The following WDFY4 variants were observed in gnomAD, a reference collection of about 807,000 sequenced individuals.
WDFY4 encodes the protein WDFY family member 4, also known as WD repeat- and FYVE domain-containing protein 4.
WDFY4 carries 169 observed loss-of-function variants against 351.9 expected under a neutral mutation model. That is an observed-to-expected ratio of 0.48 (90% CI 0.42 to 0.55). WDFY4 has a LOEUF of 0.55. Ranked by LOEUF, WDFY4 falls within the 20% of genes least tolerant of loss-of-function variation. The pLI, the probability that WDFY4 is intolerant of heterozygous loss-of-function variation, is 0.00. For synonymous variants in WDFY4, 1,622 were observed against 1,574.6 expected (o/e 1.03, Z -0.71); for missense variants, 3,803 against 3,935.6 (o/e 0.97, Z 0.90).
intron 39 of WDFY4, among the ~76,000 whole-genome samples, chr10:48,860,760 T>A (rs1487529459): frequency 6.6e-6 from 1 of 152,210 alleles, no homozygotes; most frequent in Non-Finnish European, 1.5e-5. Flanking sequence ...TTTTAAAAAA[T>A]TTATTTTGAG....
rs1348330104 is a variant in WDFY4, at chr10:48,820,340, G to A, written c.5612G>A (p.Arg1871Gln). 3.4e-5 allele frequency: 52 copies of A among 1,551,512 alleles called. No individual in the cohort carries two copies. The highest frequency in any genetic ancestry group is 7.8e-5 in the Admixed American group (4 of 50,978). The change falls in exon 33 of 62, where the codon CGG becomes CAG. Residue 1871 changes from arginine to glutamine, a missense_variant. Arg to Gln is a conservative substitution (Grantham distance 43). Coordinates refer to ENST00000325239, the MANE Select transcript of WDFY4 (RefSeq NM_001394531.1). Reference sequence around the variant, plus strand: ...GCTCCCACCAAGGCACATCCCGCCCGGAGGAAGCTGAGGGAGTTCACGCAG... The same window carrying A: ...GCTCCCACCAAGGCACATCCCGCCCAGAGGAAGCTGAGGGAGTTCACGCAG... ...LQAPTKAHPA[R>Q]RKLREFTQLL...
chr10:48,822,723 C>A (rs1304474644), intron 35 of WDFY4, among the ~76,000 whole-genome samples, 186 bp downstream of exon 35: 5 of 152,236 alleles, frequency 3.3e-5, no homozygotes, highest in African/African-American at 7.2e-5. Flanking sequence ...GCAGGGCTCT[C>A]ACCTCAGGCC....
At chr10:48,853,697 C>T (rs2069032853) in intron 39 of WDFY4, among the ~76,000 whole-genome samples, 2 of 152,242 alleles carry the variant, frequency 1.3e-5, no homozygotes, top group African/African-American at 2.4e-5. Flanking sequence ...GGAAAGCTCT[C>T]ATTAAAGATT....
Position 48,875,105 on chromosome 10 carries a change from A to G in WDFY4, c.6965A>G (p.Asn2322Ser), listed in dbSNP as rs1426664164. 3.4e-6 allele frequency: 5 copies of G among 1,491,034 alleles called. No homozygotes were observed. Among genetic ancestry groups the G allele is most frequent in the South Asian group, 1.4e-5 (1 of 71,146 alleles). The allele number at this position is 1,491,034 out of a possible 1,614,324, so 92.4% of individuals were successfully genotyped here. The change falls in exon 42 of 62, where the codon AAT (asparagine) becomes AGT (serine). Residue 2322 changes from asparagine to serine, a missense_variant. By Grantham distance (46) the Asn-to-Ser change is conservative. Transcript: ENST00000325239. ...TTATTTCAGGAAAGCCAAGACAAAA[A>G]TGATCATATTTCTCAAACAAATGCT... ...SGRHKESQDK[N>S]DHISQTNAEN...
At chr10:48,903,067 G>A (rs1323597295) in intron 47 of WDFY4, among the ~76,000 whole-genome samples, 4 of 152,108 alleles carry the variant, frequency 2.6e-5, no homozygotes, top group Admixed American at 6.5e-5. Flanking sequence ...CTGAGATCGC[G>A]CCACTGCACT....
At chr10:48,708,027 G>C (rs890611275) in intron 1 of WDFY4, among the ~76,000 whole-genome samples, 31 of 152,106 alleles carry the variant, frequency 2.0e-4, no homozygotes, top group African/African-American at 7.2e-4. Context: ...ACAATATTAT[G>C]ATCGTGTTCT....
At chr10:48,780,433 T>C (rs1741976166) in intron 19 of WDFY4, among the ~76,000 whole-genome samples, 1 of 152,214 alleles carries the variant, frequency 6.6e-6, no homozygotes, top group African/African-American at 2.4e-5. Flanking sequence ...AAGCTTCTCA[T>C]TTTGAGGGGC....
intron 47 of WDFY4, among the ~76,000 whole-genome samples, chr10:48,907,238 G>A (rs879900484): frequency 1.3e-5 from 2 of 152,166 alleles, no homozygotes; most frequent in African/African-American, 4.8e-5. Flanking sequence ...AGAAATACAA[G>A]GCTAGGATGC....
intron 60 of WDFY4, chr10:48,978,658 A>G (rs1842679822): frequency 5.0e-6 from 2 of 399,180 alleles, no homozygotes; most frequent in Non-Finnish European, 9.1e-6. Flanking sequence ...CAACCCCTCC[A>G]TAATGAACAC....
chr10:48,875,108 A>G lies in WDFY4; in HGVS notation c.6968A>G (p.Asp2323Gly). The G allele has an allele frequency of 1.3e-6, 2 of 1,490,012 alleles. No homozygotes were observed. Among genetic ancestry groups the G allele is most frequent in the South Asian group, 1.4e-5 (1 of 70,934 alleles). 92.3% of individuals were successfully genotyped at this position (1,490,012 alleles called of 1,614,324 possible). A position where few individuals can be genotyped will look rare whatever the true frequency, so the allele number is the denominator to read the frequency against. ...GRHKESQDKNDHISQTNAENQ... is the reference protein window; with the variant it reads ...GRHKESQDKNGHISQTNAENQ... Reference sequence around the variant, plus strand: ...TTTCAGGAAAGCCAAGACAAAAATGATCATATTTCTCAAACAAATGCTGAA... The same window carrying G: ...TTTCAGGAAAGCCAAGACAAAAATGGTCATATTTCTCAAACAAATGCTGAA... The change falls in exon 42 of 62, where the codon GAT becomes GGT. Residue 2323 changes from aspartate to glycine, a missense_variant. By Grantham distance (94) the Asp-to-Gly change is moderately conservative (BLOSUM62 -1). Transcript: ENST00000325239.
intron 39 of WDFY4, among the ~76,000 whole-genome samples, chr10:48,833,355 G>T (rs557148180): frequency 6.6e-6 from 1 of 152,116 alleles, no homozygotes; most frequent in African/African-American, 2.4e-5. Flanking sequence ...CCTTAAGGGG[G>T]GCTATTGGCT....
rs1046291767 is a variant in WDFY4 at position 48,832,599 on chromosome 10, C to T, written c.6553C>T (p.Arg2185Cys). The change falls in exon 39 of 62, where the codon CGT (arginine) becomes TGT (cysteine). Residue 2185 changes from arginine (R) to cysteine (C), a missense_variant. Physicochemically the swap from Arg to Cys is radical, Grantham distance 180 (BLOSUM62 -3). Coordinates refer to ENST00000325239, the MANE Select transcript of WDFY4 (RefSeq NM_001394531.1). Reference sequence around the variant, plus strand: ...ATCTGAGAAGAAGTCACTGGCAAGTCGTTCAAATGTTGCACACCACAGCAA... The same window carrying T: ...ATCTGAGAAGAAGTCACTGGCAAGTTGTTCAAATGTTGCACACCACAGCAA... Reference protein sequence around the residue: ...LASEKKSLASRSNVAHHSKVT... With the variant: ...LASEKKSLASCSNVAHHSKVT... The T allele has an allele frequency of 3.5e-5, 54 of 1,547,790 alleles. No individual in the cohort carries two copies. Among genetic ancestry groups the T allele is most frequent in the Admixed American group, 7.9e-5 (4 of 50,520 alleles).
At position 48,704,397 on chromosome 10, in the gene WDFY4, T is replaced by C. The variant is rs910968804; in HGVS notation, c.-17-5319T>C. Among the ~76,000 whole-genome samples the C allele has an allele frequency of 2.6e-5, 4 of 152,268 alleles. No homozygotes were observed. In the East Asian group the frequency reaches 7.7e-4, roughly 29 times the overall value. ...AGGGATGTGGAGGGCCAGAATGCCA[T>C]GTGCCCTGAACCCATCCAAGCTGGG... On this transcript the variant is annotated intron_variant, in intron 1 of 61. Coordinates refer to ENST00000325239, the MANE Select transcript of WDFY4 (RefSeq NM_001394531.1).
rs2070052559 is a variant in WDFY4 at position 48,877,207 on chromosome 10, A to G, written c.7167+8A>G. 1.3e-6 allele frequency: 2 copies of G among 1,550,302 alleles called. No homozygotes were observed. Among genetic ancestry groups the G allele is most frequent in the East Asian group, 2.4e-5 (1 of 40,898 alleles). On this transcript the variant is annotated splice_region_variant and intron_variant, in intron 43 of 61. Transcript: ENST00000325239. ...CTTCTTGATAAAGAAAAGGTAATATACCCCATTGCAATAGCCTTTAAGATT... is the reference window on the plus strand; with the variant it reads ...CTTCTTGATAAAGAAAAGGTAATATGCCCCATTGCAATAGCCTTTAAGATT...
chr10:48,729,552 T>G lies in WDFY4; in HGVS notation c.1092T>G (p.Pro364=). Residue 364 remains proline, a synonymous_variant, in exon 8 of 62, where the codon CCT becomes CCG. Coordinates refer to ENST00000325239, the MANE Select transcript of WDFY4 (RefSeq NM_001394531.1). The stretch of plus-strand genomic sequence containing the variant: ...AGGTGTTTGACAGCATCACTTACCC[T>G]CAGCTTGAAGGCTTCAAGTTCCATC... The part of the protein sequence containing the change: ...ELKVFDSITY[P]QLEGFKFHHE... 2 of 1,551,710 alleles carry G rather than the reference T, an allele frequency of 1.3e-6. No homozygotes were observed. The highest frequency in any genetic ancestry group is 1.7e-6 in the Non-Finnish European group (2 of 1,147,002).
chr10:48,873,973 G>C (rs11101542), intron 41 of WDFY4, among the ~76,000 whole-genome samples: 1 of 152,136 alleles, frequency 6.6e-6, no homozygotes, highest in Non-Finnish European at 1.5e-5. Context: ...TATGCTGCAG[G>C]CACAGCCCTG....
Position 48,726,036 on chromosome 10 carries a change from G to C in WDFY4, c.747G>C (p.Lys249Asn), listed in dbSNP as rs1406100994. The change falls in exon 6 of 62, where the codon AAG becomes AAC. Residue 249 changes from lysine to asparagine, a missense_variant. By Grantham distance (94) the Lys-to-Asn change is moderately conservative (BLOSUM62 0). Around this residue, in one of 3 missense-constraint regions of WDFY4, gnomAD observed 488 missense variants for 456.8 expected, o/e 1.07. Transcript: ENST00000325239. ...PTFCVLRAIS[K>N]AQNLSIIQYL... ...TCTGCGTGCTAAGGGCAATCTCCAA[G>C]GCCCAGAACCTCAGCATCATCCAGT... is the stretch of plus-strand genomic sequence containing the variant. 2 of 1,551,196 alleles carry C rather than the reference G, an allele frequency of 1.3e-6. No homozygotes were observed. Among genetic ancestry groups the C allele is most frequent in the Non-Finnish European group, 1.7e-6 (2 of 1,146,646 alleles).
chr10:48,789,812 C>T lies in WDFY4; in HGVS notation c.3955-62C>T, dbSNP rs1413961352. The T allele has an allele frequency of 5.3e-6, 8 of 1,504,468 alleles. No individual in the cohort carries two copies. In the Admixed American group the frequency reaches 5.9e-5, roughly 11 times the overall value. 93.2% of individuals were successfully genotyped at this position (1,504,468 alleles called of 1,614,324 possible). A position where few individuals can be genotyped will look rare whatever the true frequency, so the allele number is the denominator to read the frequency against. On this transcript the variant is annotated intron_variant, in intron 21 of 61. Coordinates refer to ENST00000325239, the MANE Select transcript of WDFY4 (RefSeq NM_001394531.1). ...CCAGAGGGCCTGCCCTCCAGGAGCT[C>T]GTGGACAATGCTTCTTCTTTTGCAG... is the stretch of plus-strand genomic sequence containing the variant.
intron 1 of WDFY4, among the ~76,000 whole-genome samples, chr10:48,686,577 T>C (rs1377431350): frequency 6.6e-6 from 1 of 152,226 alleles, no homozygotes; most frequent in African/African-American, 2.4e-5. Context: ...TATGTATGAT[T>C]GCAAGTTGTT....
Sources: allele counts gnomAD v4.1 joint callset (sites outside exome capture counted in the v4.1 genomes callset), GRCh38; gene constraint gnomAD v4.1.1; regional missense constraint gnomAD v4.1.1; transcripts MANE v1.5; gene names NCBI Gene and HGNC (gene_info 2026-07-23, HGNC 2026-07-21).